LCN1: variants seen among roughly 807,000 people sequenced by gnomAD.
LCN1 encodes the protein lipocalin 1, also known as lipocalin-1.
A neutral mutation model predicts 22.3 loss-of-function variants in LCN1; 25 were observed. That is an observed-to-expected ratio of 1.12 (90% CI 0.82 to 1.56). LCN1 has a LOEUF of 1.56. LCN1 is among the 40% of genes most tolerant of loss of function. The pLI, the probability that LCN1 is intolerant of heterozygous loss-of-function variation, is 0.00. For missense variants in LCN1, 219 were observed against 235.6 expected, an observed-to-expected ratio of 0.93 and a Z score of 0.46; for synonymous variants, 85 against 97.6, an observed-to-expected ratio of 0.87 and a Z score of 0.76.
chr9:135,525,684 G>A (rs761957115), intron 6 of LCN1, among the ~76,000 whole-genome samples: 17 of 151,898 alleles, frequency 1.1e-4, no homozygotes, highest in Non-Finnish European at 2.1e-4. Flanking sequence ...TGTCCTTCCC[G>A]CACCCTCCCC....
chr9:135,522,003 C>G (rs1831507795), intron 1 of LCN1, 44 bp from the exon 2 acceptor site: 1 of 1,583,652 alleles, frequency 6.3e-7, no homozygotes, highest in Non-Finnish European at 8.6e-7. Context: ...GGGGGAGGCT[C>G]TGGAGCAGTC....
chr9:135,525,200 C>A, intron 6 of LCN1, 42 bp downstream of exon 6: 1 of 1,601,782 alleles, frequency 6.2e-7, no homozygotes. Context: ...AAATCCAGTT[C>A]TGGGGCTCAG....
rs1831563986 is a variant in LCN1, at chr9:135,523,935, C to A, written c.348C>A (p.Ile116=). ...IIRSHVKDHY[I]FYCEGELHGK... ...GGTCGCACGTGAAGGACCACTACATCTTTTACTGTGAGGGCGAGCTGCACG... is the reference window on the plus strand; with the variant it reads ...GGTCGCACGTGAAGGACCACTACATATTTTACTGTGAGGGCGAGCTGCACG... The change falls in exon 4 of 7, where the codon ATC becomes ATA. Residue 116 remains isoleucine, a synonymous_variant. Transcript: ENST00000371781. 2.5e-6 allele frequency: 4 copies of A among 1,614,140 alleles called. No homozygotes were observed. The highest frequency in any genetic ancestry group is 3.4e-6 in the Non-Finnish European group (4 of 1,179,990).
intron 2 of LCN1, among the ~76,000 whole-genome samples, 153 bp downstream of exon 2, chr9:135,522,330 C>G (rs1040480380): frequency 1.2e-4 from 18 of 152,188 alleles, no homozygotes; most frequent in African/African-American, 3.6e-4. Context: ...AACTGTGCCA[C>G]TGAGGTGCCT....
intron 6 of LCN1, among the ~76,000 whole-genome samples, 170 bp downstream of exon 6, chr9:135,525,328 G>A (rs1013098522): frequency 2.0e-5 from 3 of 152,126 alleles, no homozygotes; most frequent in Admixed American, 6.5e-5. Context: ...ACGCTCGGGC[G>A]TCAGACTCCG....
chr9:135,526,493 C>T lies in LCN1; in HGVS notation c.*151C>T, dbSNP rs912087875. 10 of 1,272,434 alleles carry T rather than the reference C, an allele frequency of 7.9e-6. No homozygotes were observed. Among genetic ancestry groups the T allele is most frequent in the African/African-American group, 1.5e-5 (1 of 65,444 alleles). The allele number at this position is 1,272,434 out of a possible 1,614,324, so 78.8% of individuals were successfully genotyped here. On this transcript the variant is annotated 3_prime_UTR_variant, in exon 7 of 7. Transcript: ENST00000371781. Reference sequence around the variant, plus strand: ...CACCCCCCGCCTTCCCCCTGCCCTGCGCCCCCTCTCCTGGTTCTCCATAAA... The same window carrying T: ...CACCCCCCGCCTTCCCCCTGCCCTGTGCCCCCTCTCCTGGTTCTCCATAAA...
intron 3 of LCN1, among the ~76,000 whole-genome samples, 165 bp from the exon 4 acceptor site, chr9:135,523,715 G>A (rs1312695864): frequency 6.6e-6 from 1 of 152,194 alleles, no homozygotes; most frequent in Non-Finnish European, 1.5e-5. Context: ...GGGGTCCCAT[G>A]GCCTGGGGCT....
intron 1 of LCN1, 43 bp downstream of exon 1, chr9:135,521,630 C>T (rs375223502): frequency 9.9e-6 from 15 of 1,509,706 alleles, no homozygotes; most frequent in Middle Eastern, 1.7e-4. Context: ...GGGCAAGGGG[C>T]GAGGCTGAGA....
intron 6 of LCN1, among the ~76,000 whole-genome samples, chr9:135,525,551 C>G (rs1831617239): frequency 6.6e-6 from 1 of 152,128 alleles, no homozygotes; most frequent in Admixed American, 6.5e-5. Context: ...AAGTGGCAGG[C>G]GTGCCTGTGC....
chr9:135,521,441 G>C lies in LCN1; in HGVS notation c.-57G>C. 1 of 1,466,874 alleles carries C rather than the reference G, an allele frequency of 6.8e-7. No individual in the cohort carries two copies. Among genetic ancestry groups the C allele is most frequent in the Non-Finnish European group, 9.5e-7 (1 of 1,053,612 alleles). 90.9% of individuals were successfully genotyped at this position (1,466,874 alleles called of 1,614,324 possible). A position where few individuals can be genotyped will look rare whatever the true frequency, so the allele number is the denominator to read the frequency against. Reference sequence around the variant, plus strand: ...GGGCGGCTGTGGGAGGACTGGTACAGCCTCTCCCAGCCCCAGCAAGCGACC... The same window carrying C: ...GGGCGGCTGTGGGAGGACTGGTACACCCTCTCCCAGCCCCAGCAAGCGACC... On this transcript the variant is annotated 5_prime_UTR_variant, in exon 1 of 7. Coordinates refer to ENST00000371781, the MANE Select transcript of LCN1 (RefSeq NM_002297.4).
Position 135,521,489 on chromosome 9 carries a change from A to G in LCN1, c.-9A>G. On this transcript the variant is annotated 5_prime_UTR_variant, in exon 1 of 7. Coordinates refer to ENST00000371781, the MANE Select transcript of LCN1 (RefSeq NM_002297.4). ...ACCTGTCAGGCGGCCGTGGACTCAG[A>G]CTCCGGAGATGAAGCCCCTGCTCCT... The G allele has an allele frequency of 6.2e-7, 1 of 1,610,862 alleles. No homozygotes were observed. Among genetic ancestry groups the G allele is most frequent in the Admixed American group, 1.7e-5 (1 of 59,956 alleles).
At chr9:135,522,740 G>A (rs938156192) in intron 2 of LCN1, among the ~76,000 whole-genome samples, 13 of 152,200 alleles carry the variant, frequency 8.5e-5, no homozygotes, top group South Asian at 6.2e-4. Context: ...CCTGTGCTCC[G>A]GTCCTGGGGG....
intron 5 of LCN1, 95 bp from the exon 6 acceptor site, chr9:135,525,037 C>T (rs1381650356): frequency 6.4e-7 from 1 of 1,565,308 alleles, no homozygotes; most frequent in African/African-American, 1.4e-5. Context: ...CTGGCTTTGT[C>T]CTTCCTGGGG....
intron 4 of LCN1, 41 bp downstream of exon 4, chr9:135,524,031 T>A (rs55713520): frequency 2.0e-6 from 3 of 1,472,864 alleles, no homozygotes; most frequent in South Asian, 2.3e-5. Flanking sequence ...TGCCTCCACC[T>A]GCCCTCCCTC....
At chr9:135,523,016 G>A (rs111836055) in intron 2 of LCN1, among the ~76,000 whole-genome samples, 3,179 of 152,304 alleles carry the variant, frequency 0.021, 111 homozygotes, top group African/African-American at 0.073. Flanking sequence ...AGGAGGAGCG[G>A]TGCAGAGCTC....
At chr9:135,525,254 C>G (rs1164639767) in intron 6 of LCN1, 96 bp downstream of exon 6, 1 of 1,271,442 alleles carries the variant, frequency 7.9e-7, no homozygotes, top group Non-Finnish European at 1.1e-6. Context: ...CCATCCCACT[C>G]CTACCTGGGT....
chr9:135,523,384 C>G lies in LCN1; in HGVS notation c.292+82C>G, dbSNP rs1005388323. On this transcript the variant is annotated intron_variant, in intron 3 of 6. Transcript: ENST00000371781. ...GGCAGCCAGTGCCTTTTTGGGGTGGCCTTTTGGCCTGGGAAGCCTTTTGCT... is the reference window on the plus strand; with the variant it reads ...GGCAGCCAGTGCCTTTTTGGGGTGGGCTTTTGGCCTGGGAAGCCTTTTGCT... 4 of 1,356,006 alleles carry G rather than the reference C, an allele frequency of 2.9e-6. No homozygotes were observed. In the African/African-American group the frequency reaches 5.8e-5, roughly 20 times the overall value. The allele number at this position is 1,356,006 out of a possible 1,614,324, so 84.0% of individuals were successfully genotyped here. A position where few individuals can be genotyped will look rare whatever the true frequency, so the allele number is the denominator to read the frequency against.
At position 135,525,159 on chromosome 9, in the gene LCN1, G is replaced by A; in HGVS notation, c.*1+1G>A. The A allele has an allele frequency of 3.7e-6, 6 of 1,613,524 alleles. No individual in the cohort carries two copies. The highest frequency in any genetic ancestry group is 5.1e-6 in the Non-Finnish European group (6 of 1,179,694). On this transcript the variant is annotated splice_donor_variant, in intron 6 of 6. Coordinates refer to ENST00000371781, the MANE Select transcript of LCN1 (RefSeq NM_002297.4). LOFTEE classifies it low-confidence loss of function (3UTR_SPLICE). ...ACCTGCTCTCCAGGGAGCGATTAGGGTGAGTGAACAGCTTTAGAGGACATT... is the reference window on the plus strand; with the variant it reads ...ACCTGCTCTCCAGGGAGCGATTAGGATGAGTGAACAGCTTTAGAGGACATT...
At chr9:135,523,344 C>A in intron 3 of LCN1, 42 bp downstream of exon 3, 1 of 1,572,056 alleles carries the variant, frequency 6.4e-7, no homozygotes, top group Non-Finnish European at 8.7e-7. Flanking sequence ...CTTGAACACA[C>A]GCTGGATGTG....
Sources: allele counts gnomAD v4.1 joint callset (sites outside exome capture counted in the v4.1 genomes callset), GRCh38; gene constraint gnomAD v4.1.1; transcripts MANE v1.5; gene names NCBI Gene and HGNC (gene_info 2026-07-23, HGNC 2026-07-21).